NR4A1: variants seen among roughly 807,000 people sequenced by gnomAD.
NR4A1 encodes the protein nuclear receptor subfamily 4immunitygroup A member 1.
A neutral mutation model predicts 47.5 loss-of-function variants in NR4A1; 24 were observed. That is an observed-to-expected ratio of 0.50 (90% CI 0.37 to 0.71). NR4A1 has a LOEUF of 0.71. NR4A1 is among the 30% of genes least tolerant of loss of function. The pLI is 0.00. For missense variants in NR4A1, 669 were observed against 788.6 expected, an observed-to-expected ratio of 0.85 and a Z score of 1.82; for synonymous variants, 353 against 345.7, an observed-to-expected ratio of 1.02 and a Z score of -0.24.
rs759761382 is a variant in NR4A1, at chr12:52,056,481, C to T, written c.1007-13C>T. 1.9e-5 allele frequency: 30 copies of T among 1,612,256 alleles called. 1 individual carries two copies. The South Asian group carries it at 3.2e-4, about 17-fold the overall frequency. On this transcript the variant is annotated splice_polypyrimidine_tract_variant and intron_variant, in intron 3 of 6. Coordinates refer to ENST00000394825, the MANE Select transcript of NR4A1 (RefSeq NM_173157.3). Reference sequence around the variant, plus strand: ...GATCCCTTCCTTCCTCACCCCTACCCATTCCTTTGCAGTTGTCCGAACAGA... The same window carrying T: ...GATCCCTTCCTTCCTCACCCCTACCTATTCCTTTGCAGTTGTCCGAACAGA...
upstream of NR4A1, among the ~76,000 whole-genome samples, chr12:52,048,933 G>C (rs570063331): frequency 6.2e-4 from 94 of 152,172 alleles, no homozygotes; most frequent in Admixed American, 5.2e-3. Flanking sequence ...TGCCTGAAAT[G>C]AGGTAGGGAT....
chr12:52,056,248 C>A, intron 3 of NR4A1, 89 bp downstream of exon 3: 1 of 1,494,664 alleles, frequency 6.7e-7, no homozygotes, highest in Non-Finnish European at 8.9e-7. Flanking sequence ...CCCTGGAGGA[C>A]CCAGAGGAGG....
At chr12:52,040,901 T>A (rs1395545645) in intron 1 of NR4A1, among the ~76,000 whole-genome samples, 1 of 151,990 alleles carries the variant, frequency 6.6e-6, no homozygotes, top group Non-Finnish European at 1.5e-5. Context: ...TGGTGCGTAG[T>A]CGAGAGGAGA....
rs1207804144 is a variant in NR4A1, at chr12:52,057,399, T to C, written c.1409T>C (p.Leu470Pro). 6.2e-7 allele frequency: 1 copy of C among 1,614,132 alleles called. No individual in the cohort carries two copies. The highest frequency in any genetic ancestry group is 8.5e-7 in the Non-Finnish European group (1 of 1,180,066). The change falls in exon 6 of 7, where the codon CTA (leucine) becomes CCA (proline). Residue 470 changes from leucine (L) to proline (P), a missense_variant. By Grantham distance (98) the Leu-to-Pro change is moderately conservative (BLOSUM62 -3). Coordinates refer to ENST00000394825, the MANE Select transcript of NR4A1 (RefSeq NM_173157.3). ...CTCATCTTCTGCTCAGGCCTGGTGCTACACCGGCTGCAGTGTGCCCGTGGC... is the reference window on the plus strand; with the variant it reads ...CTCATCTTCTGCTCAGGCCTGGTGCCACACCGGCTGCAGTGTGCCCGTGGC... ...GKLIFCSGLV[L>P]HRLQCARGFG... is the part of the protein sequence containing the mutation.
Position 52,057,367 on chromosome 12 carries a change from G to A in NR4A1, c.1377G>A (p.Glu459=). ...TGCCTGCCAGGTCTAAGCCAGGCGA[G>A]GGCAAGCTCATCTTCTGCTCAGGCC... The part of the protein sequence containing the change: ...LRLAYRSKPG[E]GKLIFCSGLV... Residue 459 remains glutamate (E), a synonymous_variant, in exon 6 of 7, where the codon GAG becomes GAA. Coordinates refer to ENST00000394825, the MANE Select transcript of NR4A1 (RefSeq NM_173157.3). The A allele has an allele frequency of 1.2e-6, 2 of 1,614,186 alleles. No homozygotes were observed. Among genetic ancestry groups the A allele is most frequent in the Non-Finnish European group, 1.7e-6 (2 of 1,180,038 alleles).
intron 1 of NR4A1, among the ~76,000 whole-genome samples, chr12:52,030,046 T>C (rs1938086812): frequency 6.6e-6 from 1 of 151,858 alleles, no homozygotes; most frequent in Non-Finnish European, 1.5e-5. Context: ...CAGCAAACCC[T>C]AAGTTCCAGC....
At chr12:52,057,634 C>G (rs1939346061) in intron 6 of NR4A1, 104 bp downstream of exon 6, 2 of 1,352,054 alleles carry the variant, frequency 1.5e-6, no homozygotes, top group African/African-American at 2.9e-5. Context: ...CGGGATCTAG[C>G]ACTTTCTGGG....
intron 1 of NR4A1, chr12:52,037,374 A>G (rs1412775978): frequency 1.0e-6 from 1 of 985,242 alleles, no homozygotes; most frequent in Non-Finnish European, 1.2e-6. Context: ...GGTGCAGAGC[A>G]GCTCAGGGCC....
At chr12:52,055,553 G>T (rs1224161202) in intron 2 of NR4A1, 7 of 532,936 alleles carry the variant, frequency 1.3e-5, no homozygotes, top group Non-Finnish European at 2.0e-5. Flanking sequence ...GTGCCCCCAG[G>T]CTCTCATGTT....
Position 52,057,420 on chromosome 12 carries a change from G to C in NR4A1, c.1430G>C (p.Arg477Pro). The C allele has an allele frequency of 6.2e-7, 1 of 1,614,232 alleles. No individual in the cohort carries two copies. Among genetic ancestry groups the C allele is most frequent in the Non-Finnish European group, 8.5e-7 (1 of 1,180,050 alleles). ...GTGCTACACCGGCTGCAGTGTGCCCGTGGCTTCGGGGACTGGATTGACAGT... is the reference window on the plus strand; with the variant it reads ...GTGCTACACCGGCTGCAGTGTGCCCCTGGCTTCGGGGACTGGATTGACAGT... ...GLVLHRLQCA[R>P]GFGDWIDSIL... The change falls in exon 6 of 7, where the codon CGT becomes CCT. Residue 477 changes from arginine to proline, a missense_variant. Transcript: ENST00000394825.
chr12:52,056,240 C>A, intron 3 of NR4A1, 81 bp downstream of exon 3: 2 of 1,506,672 alleles, frequency 1.3e-6, no homozygotes, highest in Non-Finnish European at 1.8e-6. Context: ...GGCTTCTGCC[C>A]TGGAGGACCC....
At chr12:52,030,872 G>C (rs1164728225) in intron 1 of NR4A1, among the ~76,000 whole-genome samples, 1 of 152,136 alleles carries the variant, frequency 6.6e-6, no homozygotes, top group African/African-American at 2.4e-5. Context: ...TGCTCCTCTC[G>C]CGCATCCCCA....
At chr12:52,038,800 G>A in intron 1 of NR4A1, 2 of 757,188 alleles carry the variant, frequency 2.6e-6, no homozygotes, top group Non-Finnish European at 4.8e-6. Flanking sequence ...TGTGACTGAC[G>A]ATTCCTGTGC....
chr12:52,035,018 T>C (rs1938206200), intron 1 of NR4A1, among the ~76,000 whole-genome samples: 1 of 152,212 alleles, frequency 6.6e-6, no homozygotes, highest in African/African-American at 2.4e-5. Context: ...AGAGGGCAAG[T>C]AACTTCCCTG....
chr12:52,023,110 G>T (rs1200349713), intron 1 of NR4A1, among the ~76,000 whole-genome samples: 1 of 152,234 alleles, frequency 6.6e-6, no homozygotes, highest in Non-Finnish European at 1.5e-5. Context: ...CTTTTCACGG[G>T]TTCCCGTCTA....
intron 2 of NR4A1, among the ~76,000 whole-genome samples, chr12:52,044,879 C>T (rs146466982): frequency 9.9e-4 from 151 of 151,914 alleles, no homozygotes; most frequent in African/African-American, 3.2e-3. Context: ...AAAGGAACTC[C>T]GTGATCTTGT....
intron 2 of NR4A1, among the ~76,000 whole-genome samples, chr12:52,044,911 G>A (rs1938575105): frequency 6.6e-6 from 1 of 152,144 alleles, no homozygotes; most frequent in Non-Finnish European, 1.5e-5. Context: ...AGCCCCGTCT[G>A]GTGGTTCTTC....
chr12:52,048,901 A>G (rs1389589078), upstream of NR4A1, among the ~76,000 whole-genome samples: 2 of 152,162 alleles, frequency 1.3e-5, no homozygotes, highest in African/African-American at 4.8e-5. Flanking sequence ...GGAAAAGCCT[A>G]AGAGAAAGAA....
chr12:52,033,917 C>T (rs1938184649), intron 1 of NR4A1, among the ~76,000 whole-genome samples: 1 of 152,200 alleles, frequency 6.6e-6, no homozygotes, highest in Admixed American at 6.5e-5. Context: ...CCTAGGGAAC[C>T]CCCTTGACAT....
Sources: gnomAD v4.1 joint callset for allele counts (sites outside exome capture counted in the v4.1 genomes callset) on GRCh38, gnomAD v4.1.1 for gene constraint, MANE v1.5 for transcripts, NCBI Gene and HGNC (gene_info 2026-07-23, HGNC 2026-07-21) for gene names.